MAP3K15: variants seen among roughly 807,000 people sequenced by gnomAD.
MAP3K15 encodes the protein mitogen-activated protein kinase kinase kinase 15.
A neutral mutation model predicts 99.5 loss-of-function variants in MAP3K15; 124 were observed. The observed-to-expected ratio is 1.25, with a 90% confidence interval of 1.08 to 1.45. The LOEUF is 1.45. Ranked by LOEUF, MAP3K15 falls within the 40% of genes most tolerant of loss-of-function variation. The probability of loss-of-function intolerance (pLI) is 0.00; values close to 1 mark genes in which losing one functional copy is unlikely to be tolerated. For synonymous variants in MAP3K15, 494 were observed against 439.6 expected (o/e 1.12, Z -1.55); for missense variants, 1,242 against 1,079.7 (o/e 1.15, Z -2.11).
chrX:19,444,278 A>T (rs1474105706), intron 6 of MAP3K15, among the ~76,000 whole-genome samples: 1 of 111,872 alleles, frequency 8.9e-6, no homozygotes, highest in Non-Finnish European at 1.9e-5. Flanking sequence ...GAATTTTCTC[A>T]TCTCATACAG....
intron 6 of MAP3K15, among the ~76,000 whole-genome samples, chrX:19,447,650 G>A (rs1250763424): frequency 9.3e-6 from 1 of 106,973 alleles, no homozygotes; most frequent in African/African-American, 3.4e-5. Context: ...TTGGGAGGCC[G>A]AGGCAGGCAG....
At chrX:19,474,547 G>GC (rs1220896142) in intron 3 of MAP3K15, among the ~76,000 whole-genome samples, 1 of 97,448 alleles carries the variant, frequency 1.0e-5, no homozygotes, top group African/African-American at 3.7e-5. Context: ...GGAGGTTGGG[G>GC]GGGGGGGTCT....
In MAP3K15 at chrX:19,360,536, T is replaced by C. The variant is rs2063270210; in HGVS notation, c.*213A>G. 1 of 339,092 alleles carries C rather than the reference T, an allele frequency of 2.9e-6. No homozygotes were observed. Among genetic ancestry groups the C allele is most frequent in the Non-Finnish European group, 5.1e-6 (1 of 195,631 alleles). 27.9% of individuals were successfully genotyped at this position (339,092 alleles called of 1,213,427 possible). A position where few individuals can be genotyped will look rare whatever the true frequency, so the allele number is the denominator to read the frequency against. On this transcript the variant is annotated 3_prime_UTR_variant, in exon 29 of 29. Coordinates refer to ENST00000338883, the MANE Select transcript of MAP3K15 (RefSeq NM_001001671.4). ...TATTCCGGGAGGTCAAAACCAAGGC[T>C]CACTGTTTTCACAATACACACAGTT...
chrX:19,431,322 G>A lies in MAP3K15; in HGVS notation c.1166+116C>T. On this transcript the variant is annotated intron_variant, in intron 7 of 28. Coordinates refer to ENST00000338883, the MANE Select transcript of MAP3K15 (RefSeq NM_001001671.4). Reference sequence around the variant, plus strand: ...TTCCCAGACCACATTTACTACAAATGTTTGCTCCCTGCCAACAGACAGACA... The same window carrying A: ...TTCCCAGACCACATTTACTACAAATATTTGCTCCCTGCCAACAGACAGACA... 4.4e-6 allele frequency: 3 copies of A among 685,931 alleles called. No individual in the cohort carries two copies. The East Asian group carries it at 1.1e-4, about 24-fold the overall frequency. 56.5% of individuals were successfully genotyped at this position (685,931 alleles called of 1,213,427 possible).
At chrX:19,422,355 CA>C (rs1241322361) in intron 9 of MAP3K15, among the ~76,000 whole-genome samples, 1 of 111,642 alleles carries the variant, frequency 9.0e-6, no homozygotes, top group African/African-American at 3.3e-5. Flanking sequence ...ACAATCCCAT[CA>C]AAAAGTGGGC....
rs182598103 is a variant in MAP3K15 at position 19,481,501 on chromosome X, C to A, written c.525+4981G>T. Among the ~76,000 whole-genome samples, 484 of 111,473 alleles carry A rather than the reference C, an allele frequency of 4.3e-3. 7 individuals are homozygous for A. The highest frequency in any genetic ancestry group is 6.2e-3 in the Non-Finnish European group (330 of 53,085). On this transcript the variant is annotated intron_variant, in intron 3 of 28. Transcript: ENST00000338883. The stretch of plus-strand genomic sequence containing the variant: ...AGAGTTCACAGATATACCAAAAGCA[C>A]GATCCATAAAAGAAATAATTGATAA...
chrX:19,386,284 C>T (rs2063493253), intron 18 of MAP3K15, among the ~76,000 whole-genome samples: 5 of 110,941 alleles, frequency 4.5e-5, no homozygotes, highest in Admixed American at 2.9e-4. Flanking sequence ...GGTGAAACCC[C>T]GTCTCTACTA....
intron 6 of MAP3K15, among the ~76,000 whole-genome samples, chrX:19,451,845 C>T (rs148435519): frequency 0.04 from 4,397 of 108,753 alleles, 210 homozygotes; most frequent in African/African-American, 0.14. Context: ...AGGTGGATCA[C>T]TTGAGGTCAG....
chrX:19,510,975 T>C (rs781352695), intron 1 of MAP3K15, among the ~76,000 whole-genome samples: 1 of 111,358 alleles, frequency 9.0e-6, no homozygotes, highest in South Asian at 3.7e-4. Context: ...CCAAGGAATA[T>C]AGACCAGTGG....
At chrX:19,484,265 T>C (rs1026351699) in intron 3 of MAP3K15, among the ~76,000 whole-genome samples, 1 of 110,825 alleles carries the variant, frequency 9.0e-6, no homozygotes. Flanking sequence ...CTTACAGGAG[T>C]GCAAACCCTA....
At chrX:19,490,404 A>T (rs946861891) in intron 1 of MAP3K15, among the ~76,000 whole-genome samples, 5 of 111,177 alleles carry the variant, frequency 4.5e-5, no homozygotes, top group Non-Finnish European at 9.4e-5. Flanking sequence ...TGCAATAAAC[A>T]GTCCTGTCAT....
At chrX:19,362,230 C>CTTTTTTTT in intron 26 of MAP3K15, among the ~76,000 whole-genome samples, 1 of 75,692 alleles carries the variant, frequency 1.3e-5, no homozygotes, top group Non-Finnish European at 2.4e-5. Flanking sequence ...CCTTTTGAAT[C>CTTTTTTTT]TTTTTTTTTT....
At chrX:19,446,850 T>C (rs1323503408) in intron 6 of MAP3K15, among the ~76,000 whole-genome samples, 1 of 111,274 alleles carries the variant, frequency 9.0e-6, no homozygotes. Context: ...AGCCTTCCCT[T>C]CCTTTTTTTA....
chrX:19,361,216 C>G lies in MAP3K15; in HGVS notation c.3857+123G>C, dbSNP rs7883708. 2.8e-3 allele frequency: 1,588 copies of G among 572,331 alleles called. 14 individuals carry two copies. The African/African-American group carries it at 0.032, about 11-fold the overall frequency. 47.2% of individuals were successfully genotyped at this position (572,331 alleles called of 1,213,427 possible). On this transcript the variant is annotated intron_variant, in intron 28 of 28. Coordinates refer to ENST00000338883, the MANE Select transcript of MAP3K15 (RefSeq NM_001001671.4). ...TTTCTGCCCCACCTTGGCTTTTTCC[C>G]AGCTTGAACCTAATAGAACTCCAGA... is the stretch of plus-strand genomic sequence containing the variant.
chrX:19,484,779 T>C (rs2064311952), intron 3 of MAP3K15, among the ~76,000 whole-genome samples: 1 of 112,324 alleles, frequency 8.9e-6, no homozygotes, highest in Non-Finnish European at 1.9e-5. Context: ...TACATCTTTT[T>C]GCTTGTATAA....
intron 6 of MAP3K15, among the ~76,000 whole-genome samples, chrX:19,436,261 C>T (rs778251319): frequency 9.9e-5 from 11 of 111,306 alleles, no homozygotes; most frequent in South Asian, 3.8e-4. Context: ...GGACTTTCTG[C>T]GTCAGTGGGT....
At chrX:19,406,684 T>A (rs1471026774) in intron 13 of MAP3K15, among the ~76,000 whole-genome samples, 2 of 112,761 alleles carry the variant, frequency 1.8e-5, no homozygotes, top group East Asian at 2.8e-4. Context: ...ATGACTATAC[T>A]AAAAAATGCT....
chrX:19,500,602 C>A (rs1271723406), intron 1 of MAP3K15, among the ~76,000 whole-genome samples: 3 of 111,466 alleles, frequency 2.7e-5, no homozygotes, highest in Non-Finnish European at 5.6e-5. Context: ...AACCAAGCCC[C>A]AACAACCGCC....
At chrX:19,492,732 G>A (rs937390698) in intron 1 of MAP3K15, among the ~76,000 whole-genome samples, 2 of 111,352 alleles carry the variant, frequency 1.8e-5, no homozygotes, top group Non-Finnish European at 3.8e-5. Context: ...TTTGGGAGGC[G>A]GAGGTGGGTG....
Sources: gnomAD v4.1 joint callset for allele counts (sites outside exome capture counted in the v4.1 genomes callset) on GRCh38, gnomAD v4.1.1 for gene constraint, MANE v1.5 for transcripts, NCBI Gene and HGNC (gene_info 2026-07-23, HGNC 2026-07-21) for gene names.